CSAD: variants seen among roughly 807,000 people sequenced by gnomAD.
The protein encoded by CSAD is P-selectin cytoplasmic tail-associated protein.
In CSAD, 47 loss-of-function variants were observed where a neutral mutation model predicts 61.5. The ratio of observed to expected loss-of-function variants is 0.76; its 90% confidence interval spans 0.60 to 0.97. The LOEUF is 0.97. Ranked by LOEUF, CSAD falls within the 50% of genes least tolerant of loss-of-function variation. CSAD has a pLI of 0.00. For synonymous variants in CSAD, 245 were observed against 252.7 expected, an observed-to-expected ratio of 0.97 and a Z score of 0.29; for missense variants, 611 against 643.6, an observed-to-expected ratio of 0.95 and a Z score of 0.55.
intron 16 of CSAD, 124 bp downstream of exon 16, chr12:53,159,499 T>C: frequency 1.4e-6 from 1 of 738,228 alleles, no homozygotes; most frequent in Non-Finnish European, 2.3e-6. Context: ...AAAGAGAGCA[T>C]CCACGCCTCA....
At chr12:53,180,687 A>T in intron 1 of CSAD, 45 bp downstream of exon 1, 2 of 1,273,406 alleles carry the variant, frequency 1.6e-6, no homozygotes, top group South Asian at 2.5e-5. Flanking sequence ...GGGAGGGGGA[A>T]GTGCTTCCGG....
At chr12:53,180,541 C>G (rs1242199009) in intron 1 of CSAD, 191 bp downstream of exon 1, 2 of 1,279,068 alleles carry the variant, frequency 1.6e-6, no homozygotes, top group East Asian at 6.1e-5. Context: ...CCTCCATGCC[C>G]TCGGCGCACG....
intron 16 of CSAD, 175 bp downstream of exon 16, chr12:53,159,448 T>TCCCAGAAACATACCTTCCTC (rs1565644277): frequency 8.1e-6 from 5 of 615,884 alleles, no homozygotes; most frequent in Non-Finnish European, 1.4e-5. Context: ...GCTTCTTACT[T>TCCCAGAAACATACCTTCCTC]CCCAGAAACA....
At chr12:53,175,648 C>G (rs1041767388) in intron 2 of CSAD, among the ~76,000 whole-genome samples, 2 of 152,152 alleles carry the variant, frequency 1.3e-5, no homozygotes, top group African/African-American at 4.8e-5. Flanking sequence ...TTGTCCTCTC[C>G]CCTCCCCCAG....
chr12:53,180,514 C>A (rs1318434725), intron 1 of CSAD: 7 of 1,267,298 alleles, frequency 5.5e-6, no homozygotes. Flanking sequence ...GCGCACGCGC[C>A]GGCCTCAGCG....
chr12:53,171,465 C>T (rs778472287), intron 7 of CSAD, 24 bp from the exon 8 acceptor site: 16 of 1,611,352 alleles, frequency 9.9e-6, no homozygotes, highest in Non-Finnish European at 1.4e-5. Context: ...GGGGCGGTGG[C>T]AAGAGGAAGG....
At chr12:53,166,919 A>C (rs1019088412) in intron 10 of CSAD, among the ~76,000 whole-genome samples, 3 of 152,190 alleles carry the variant, frequency 2.0e-5, no homozygotes, top group African/African-American at 4.8e-5. Flanking sequence ...AAGATGGTAA[A>C]TTTTATGTTA....
At chr12:53,163,409 C>G (rs1000395353) in intron 10 of CSAD, among the ~76,000 whole-genome samples, 6 of 152,010 alleles carry the variant, frequency 3.9e-5, no homozygotes, top group African/African-American at 7.2e-5. Flanking sequence ...AAGGCCCAGG[C>G]AGAGATGGCT....
chr12:53,180,658 C>T lies in CSAD; in HGVS notation c.-91+74G>A, dbSNP rs2121526649. 3 of 1,282,556 alleles carry T rather than the reference C, an allele frequency of 2.3e-6. No individual in the cohort carries two copies. In the South Asian group the frequency reaches 3.7e-5, roughly 16 times the overall value. The allele number at this position is 1,282,556 out of a possible 1,614,324, so 79.4% of individuals were successfully genotyped here. On this transcript the variant is annotated intron_variant, in intron 1 of 16. Coordinates refer to ENST00000444623, the MANE Select transcript of CSAD (RefSeq NM_001244705.2). The stretch of plus-strand genomic sequence containing the variant: ...CCGAGCCCGGAAGTGGATGCAGCCG[C>T]TCGGCGGAGAGGACGAGGGGGAGGG...
At position 53,160,113 on chromosome 12, in the gene CSAD, C is replaced by G; in HGVS notation, c.1166+7G>C. 1.9e-6 allele frequency: 3 copies of G among 1,612,678 alleles called. No homozygotes were observed. Among genetic ancestry groups the G allele is most frequent in the Non-Finnish European group, 2.5e-6 (3 of 1,179,992 alleles). On this transcript the variant is annotated splice_region_variant and intron_variant, in intron 14 of 16. Coordinates refer to ENST00000444623, the MANE Select transcript of CSAD (RefSeq NM_001244705.2). Reference sequence around the variant, plus strand: ...ACAGGGACGACCCCCCACCTCCTCCCGCCTACCGGGCAAGGACAAAGGCCT... The same window carrying G: ...ACAGGGACGACCCCCCACCTCCTCCGGCCTACCGGGCAAGGACAAAGGCCT...
chr12:53,160,050 G>A, intron 14 of CSAD, 70 bp downstream of exon 14: 3 of 1,600,276 alleles, frequency 1.9e-6, no homozygotes, highest in Non-Finnish European at 1.7e-6. Context: ...AATCCCGGGA[G>A]CAGGAAAGAG....
At chr12:53,163,373 A>AT (rs937099277) in intron 10 of CSAD, among the ~76,000 whole-genome samples, 6 of 152,054 alleles carry the variant, frequency 3.9e-5, no homozygotes, top group African/African-American at 7.2e-5. Flanking sequence ...CCCTGTCTCC[A>AT]TTTTTTTTAA....
chr12:53,160,246 A>G lies in CSAD; in HGVS notation c.1040T>C (p.Leu347Pro). The G allele has an allele frequency of 1.2e-6, 2 of 1,614,254 alleles. No homozygotes were observed. Among genetic ancestry groups the G allele is most frequent in the Non-Finnish European group, 1.7e-6 (2 of 1,180,034 alleles). ...FQQDKFYDVALDTGDKVVQCG... is the reference protein window; with the variant it reads ...FQQDKFYDVAPDTGDKVVQCG... Reference sequence around the variant, plus strand: ...CTGCACCACCTTGTCTCCCGTGTCCAGAGCCACATCGTAGAACTTGTCCTG... The same window carrying G: ...CTGCACCACCTTGTCTCCCGTGTCCGGAGCCACATCGTAGAACTTGTCCTG... The change falls in exon 14 of 17, where the codon CTG becomes CCG. Residue 347 changes from leucine (L) to proline (P), a missense_variant. By Grantham distance (98) the Leu-to-Pro change is moderately conservative (BLOSUM62 -3). Coordinates refer to ENST00000444623, the MANE Select transcript of CSAD (RefSeq NM_001244705.2).
intron 1 of CSAD, chr12:53,180,370 C>G: frequency 1.0e-6 from 1 of 985,318 alleles, no homozygotes; most frequent in Non-Finnish European, 1.2e-6. Flanking sequence ...GAAAGAGTGA[C>G]GATGATTTTT....
chr12:53,158,610 C>T lies in CSAD; in HGVS notation c.1383G>A (p.Arg461=), dbSNP rs1938841760. ...CCACAACCACACGGAAGAAGTTGCC[C>T]CGGGTCCCGTGGGGCTGGTAGCCAA... The part of the protein sequence containing the change: ...MMIGYQPHGT[R]GNFFRVVVAN... Residue 461 remains arginine, a synonymous_variant, in exon 17 of 17, where the codon CGG becomes CGA. Transcript: ENST00000444623. The T allele has an allele frequency of 6.2e-7, 1 of 1,614,182 alleles. No homozygotes were observed. Among genetic ancestry groups the T allele is most frequent in the African/African-American group, 1.3e-5 (1 of 75,058 alleles).
chr12:53,180,502 C>G (rs1941501766), intron 1 of CSAD: 2 of 1,250,332 alleles, frequency 1.6e-6, no homozygotes, highest in South Asian at 2.6e-5. Flanking sequence ...GCCCCGGCCA[C>G]GGCGCACGCG....
chr12:53,170,934 T>G (rs552108822), intron 8 of CSAD: 1 of 389,578 alleles, frequency 2.6e-6, no homozygotes, highest in Non-Finnish European at 4.9e-6. Flanking sequence ...TTTCCCAGGG[T>G]GGTATCAAAC....
At position 53,158,469 on chromosome 12, in the gene CSAD, G is replaced by T; in HGVS notation, c.*42C>A. 1 of 1,591,920 alleles carries T rather than the reference G, an allele frequency of 6.3e-7. No homozygotes were observed. Among genetic ancestry groups the T allele is most frequent in the Non-Finnish European group, 8.6e-7 (1 of 1,163,858 alleles). ...TGGGAGGGAATGCAGTGACTCTGCG[G>T]GTGAGGGGTGGTATCAAGGCCGGCA... On this transcript the variant is annotated 3_prime_UTR_variant, in exon 17 of 17. Transcript: ENST00000444623.
intron 15 of CSAD, 71 bp downstream of exon 15, chr12:53,159,816 T>G: frequency 6.5e-7 from 1 of 1,538,276 alleles, no homozygotes; most frequent in Non-Finnish European, 8.8e-7. Context: ...CCACTAGGGC[T>G]TTAGTTGGGG....
Sources: allele counts gnomAD v4.1 joint callset (sites outside exome capture counted in the v4.1 genomes callset), GRCh38; gene constraint gnomAD v4.1.1; transcripts MANE v1.5; gene names NCBI Gene and HGNC (gene_info 2026-07-23, HGNC 2026-07-21).